TENM3: variants seen among roughly 807,000 people sequenced by gnomAD.
The protein encoded by TENM3 is teneurin transmembrane protein 3.
In TENM3, 63 loss-of-function variants were observed where a neutral mutation model predicts 255.1. That is an observed-to-expected ratio of 0.25 (90% CI 0.20 to 0.30). TENM3 has a LOEUF of 0.30. Ranked by LOEUF, TENM3 falls within the 10% of genes least tolerant of loss-of-function variation. The pLI, the probability that TENM3 is intolerant of heterozygous loss-of-function variation, is 1.00. For missense variants in TENM3, 2,929 were observed against 3,461.1 expected (o/e 0.85, Z 3.86); for synonymous variants, 1,306 against 1,322.3 (o/e 0.99, Z 0.27).
intron 24 of TENM3, among the ~76,000 whole-genome samples, chr4:182,784,987 A>G (rs1457909202): frequency 6.6e-6 from 1 of 152,188 alleles, no homozygotes; most frequent in Non-Finnish European, 1.5e-5. Context: ...CCGGTACCTC[A>G]GATGGAAATG....
intron 5 of TENM3, 94 bp from the exon 6 acceptor site, chr4:182,653,677 C>A: frequency 7.3e-7 from 1 of 1,364,562 alleles, no homozygotes. Context: ...GAAATTGTAA[C>A]TTTACATATG....
chr4:182,084,168 G>C, the TENM3 span, among the ~76,000 whole-genome samples: 3 of 152,046 alleles, frequency 2.0e-5, no homozygotes, highest in Admixed American at 1.3e-4. Context: ...ATGGCCTCCC[G>C]CAGACTCGTT....
At position 182,800,287 on chromosome 4, in the gene TENM3, C is replaced by T; in HGVS notation, c.8036C>T (p.Pro2679Leu). ...GYYVLSVEQY[P>L]ELADSANNIQ... ...TACGTACTCTCGGTGGAGCAGTACC[C>T]CGAGCTGGCCGACAGCGCCAACAAC... The change falls in exon 28 of 28, where the codon CCC (proline) becomes CTC (leucine). Residue 2679 changes from proline (P) to leucine (L), a missense_variant. Transcript: ENST00000511685. The T allele has an allele frequency of 6.3e-7, 1 of 1,591,978 alleles. No homozygotes were observed. The highest frequency in any genetic ancestry group is 8.5e-7 in the Non-Finnish European group (1 of 1,177,442).
chr4:181,867,655 T>C, the TENM3 span, among the ~76,000 whole-genome samples: 2 of 152,234 alleles, frequency 1.3e-5, no homozygotes, highest in Admixed American at 6.5e-5. Flanking sequence ...TTTATAGTTA[T>C]GTAGAAAAAT....
chr4:182,114,464 TC>T, the TENM3 span, among the ~76,000 whole-genome samples: 10,327 of 152,140 alleles, frequency 0.068, 1,141 homozygotes, highest in African/African-American at 0.23. Flanking sequence ...TTAGGGAACT[TC>T]TTTTTTTCTT....
chr4:182,522,308 T>C (rs1037198500), intron 3 of TENM3, among the ~76,000 whole-genome samples: 1 of 152,212 alleles, frequency 6.6e-6, no homozygotes, highest in Non-Finnish European at 1.5e-5. Context: ...TATTTTCATG[T>C]CCATCAACCA....
intron 3 of TENM3, among the ~76,000 whole-genome samples, chr4:182,450,809 G>A (rs1021823066): frequency 6.6e-6 from 1 of 152,188 alleles, no homozygotes; most frequent in African/African-American, 2.4e-5. Context: ...CTGTATAAGA[G>A]CGTTACCTTC....
the TENM3 span, among the ~76,000 whole-genome samples, chr4:181,929,690 A>G: frequency 1.3e-5 from 2 of 152,206 alleles, no homozygotes; most frequent in Non-Finnish European, 2.9e-5. Context: ...CCTAATAAAC[A>G]TCTACAGAAC....
chr4:182,799,556 G>A lies in TENM3; in HGVS notation c.7345-40G>A, dbSNP rs893264640. ...GTGGGTCAGGAGTGGGGAGGCTCCC[G>A]GCCGCCTCTGACGCGCCCCCTCTTT... On this transcript the variant is annotated intron_variant, in intron 27 of 27. Coordinates refer to ENST00000511685, the MANE Select transcript of TENM3 (RefSeq NM_001080477.4). This position sits in a 1 kb window ranked among gnomAD's most constrained non-coding sequence, Gnocchi z 4.2. 5 of 1,521,240 alleles carry A rather than the reference G, an allele frequency of 3.3e-6. No homozygotes were observed. Among genetic ancestry groups the A allele is most frequent in the South Asian group, 2.4e-5 (2 of 82,634 alleles). The allele number at this position is 1,521,240 out of a possible 1,614,324, so 94.2% of individuals were successfully genotyped here.
chr4:182,674,818 C>T (rs943004343), intron 7 of TENM3, among the ~76,000 whole-genome samples: 7 of 152,132 alleles, frequency 4.6e-5, no homozygotes, highest in Non-Finnish European at 7.4e-5. Flanking sequence ...TCAAGCAATC[C>T]GCCCACCTTC....
At chr4:182,786,023 G>A (rs192915631) in intron 24 of TENM3, among the ~76,000 whole-genome samples, 1 of 152,150 alleles carries the variant, frequency 6.6e-6, no homozygotes, top group Non-Finnish European at 1.5e-5. Context: ...GCTTGTGTTG[G>A]GAATTTGGGA....
chr4:182,039,870 A>C, the TENM3 span, among the ~76,000 whole-genome samples: 1,813 of 146,896 alleles, frequency 0.012, 42 homozygotes, highest in African/African-American at 0.043. Flanking sequence ...GGAAGTTGGG[A>C]AGGGAGGGAG....
the TENM3 span, among the ~76,000 whole-genome samples, chr4:181,924,671 A>T: frequency 6.6e-6 from 1 of 152,196 alleles, no homozygotes; most frequent in African/African-American, 2.4e-5. Context: ...CATCTTTTAA[A>T]TAAGCTTCAT....
chr4:181,516,634 G>A, the TENM3 span, among the ~76,000 whole-genome samples: 1 of 152,056 alleles, frequency 6.6e-6, no homozygotes, highest in African/African-American at 2.4e-5. Context: ...AAATGAGCTG[G>A]ATGTGGTGGC....
chr4:182,300,221 A>G (rs1282717318), intron 1 of TENM3, among the ~76,000 whole-genome samples: 1 of 151,554 alleles, frequency 6.6e-6, no homozygotes, highest in Non-Finnish European at 1.5e-5. Flanking sequence ...GCTCAAGTAG[A>G]TAATTATTTA....
intron 3 of TENM3, among the ~76,000 whole-genome samples, chr4:182,364,129 G>A (rs189292461): frequency 1.3e-5 from 2 of 151,892 alleles, no homozygotes; most frequent in Admixed American, 6.6e-5. Context: ...TATTTGTAAT[G>A]TACTGTCTTA....
the TENM3 span, among the ~76,000 whole-genome samples, chr4:181,480,843 G>A: frequency 6.7e-6 from 1 of 149,666 alleles, no homozygotes; most frequent in African/African-American, 2.4e-5. Flanking sequence ...TTACATATAT[G>A]TTTATTAGAA....
chr4:181,510,390 T>A, the TENM3 span, among the ~76,000 whole-genome samples: 10 of 152,104 alleles, frequency 6.6e-5, no homozygotes, highest in Non-Finnish European at 1.2e-4. Flanking sequence ...TCTGAGAGAT[T>A]TCCCCCTGCT....
the TENM3 span, among the ~76,000 whole-genome samples, chr4:182,133,010 C>G: frequency 6.6e-6 from 1 of 152,044 alleles, no homozygotes; most frequent in Non-Finnish European, 1.5e-5. Flanking sequence ...AGAAAACATG[C>G]GTGTAGGCCA....
Sources: gnomAD v4.1 joint callset for allele counts (sites outside exome capture counted in the v4.1 genomes callset) on GRCh38, gnomAD v4.1.1 for gene constraint, Gnocchi (gnomAD v3.1) non-coding constraint, MANE v1.5 for transcripts, NCBI Gene and HGNC (gene_info 2026-07-23, HGNC 2026-07-21) for gene names.